Variants in ADD1 observed in about 807,000 individuals in gnomAD.
The protein encoded by ADD1 is alpha-adducin.
In ADD1, 24 loss-of-function variants were observed where a neutral mutation model predicts 80.5. The ratio of observed to expected loss-of-function variants is 0.30; its 90% confidence interval spans 0.22 to 0.42. The LOEUF is 0.42. Ranked by LOEUF, ADD1 falls within the 10% of genes least tolerant of loss-of-function variation. The probability of loss-of-function intolerance (pLI) is 1.00; values close to 1 mark genes in which losing one functional copy is unlikely to be tolerated. For missense variants in ADD1, 948 were observed against 1,019.0 expected (o/e 0.93, Z 0.95); for synonymous variants, 373 against 393.8 (o/e 0.95, Z 0.63).
At position 2,928,568 on chromosome 4, in the gene ADD1, G is replaced by C. The variant is rs751557776; in HGVS notation, c.*45G>C. 14 of 1,574,502 alleles carry C rather than the reference G, an allele frequency of 8.9e-6. No homozygotes were observed. In the South Asian group the frequency reaches 1.6e-4, roughly 18 times the overall value. ...TCCTGTCCGGAGCGACCCTGGCTCT[G>C]CCAGCGTCCCCGGCCACGTCTGTGC... On this transcript the variant is annotated 3_prime_UTR_variant, in exon 16 of 16. Transcript: ENST00000683351.
rs1171567948 is a variant in ADD1, at chr4:2,894,110, C to T, written c.591+17C>T. 1.2e-6 allele frequency: 2 copies of T among 1,600,432 alleles called. No homozygotes were observed. The highest frequency in any genetic ancestry group is 2.7e-5 in the African/African-American group (2 of 74,584). Reference sequence around the variant, plus strand: ...TCCAGTTTGGTAAGAATGTCCTTCTCTTTGGCAGCTTGTATGTGCAGGTCA... The same window carrying T: ...TCCAGTTTGGTAAGAATGTCCTTCTTTTTGGCAGCTTGTATGTGCAGGTCA... On this transcript the variant is annotated intron_variant, in intron 5 of 15. Coordinates refer to ENST00000683351, the MANE Select transcript of ADD1 (RefSeq NM_001354761.2).
intron 3 of ADD1, 29 bp from the exon 4 acceptor site, chr4:2,884,486 T>G: frequency 6.3e-7 from 1 of 1,578,896 alleles, no homozygotes; most frequent in Non-Finnish European, 8.6e-7. Flanking sequence ...CCACTGCACC[T>G]GGCTGAGTTT....
chr4:2,908,334 G>A (rs1737409104), intron 11 of ADD1, among the ~76,000 whole-genome samples, 181 bp from the exon 12 acceptor site: 4 of 152,226 alleles, frequency 2.6e-5, no homozygotes, highest in Non-Finnish European at 4.4e-5. Flanking sequence ...GCAGACCCAC[G>A]CCCCACTAAG....
At chr4:2,845,272 C>T (rs1233429991) in intron 1 of ADD1, among the ~76,000 whole-genome samples, 1 of 152,126 alleles carries the variant, frequency 6.6e-6, no homozygotes, top group Non-Finnish European at 1.5e-5. Context: ...GGGGTTTCAC[C>T]ATGTTGGCCA....
At chr4:2,849,921 C>T (rs1032235190) in intron 1 of ADD1, among the ~76,000 whole-genome samples, 3 of 152,078 alleles carry the variant, frequency 2.0e-5, no homozygotes, top group Non-Finnish European at 4.4e-5. Flanking sequence ...ATTAAGTAGC[C>T]ATGTAATACA....
chr4:2,851,468 T>C (rs74960999), intron 1 of ADD1, among the ~76,000 whole-genome samples: 2,651 of 152,264 alleles, frequency 0.017, 55 homozygotes, highest in African/African-American at 0.046. Context: ...ACACAGAAGA[T>C]GCAATAGAGA....
At chr4:2,865,674 C>G (rs1729442773) in intron 1 of ADD1, among the ~76,000 whole-genome samples, 1 of 152,150 alleles carries the variant, frequency 6.6e-6, no homozygotes, top group African/African-American at 2.4e-5. Context: ...TGCCAAACTT[C>G]CCTACCTTCC....
chr4:2,881,724 T>C (rs1333992589), intron 2 of ADD1, 174 bp from the exon 3 acceptor site: 1 of 453,786 alleles, frequency 2.2e-6, no homozygotes, highest in Non-Finnish European at 3.8e-6. Flanking sequence ...ATTAAATTAC[T>C]TTCTAGAAAA....
chr4:2,907,379 T>C (rs1487016578), intron 10 of ADD1: 1 of 175,210 alleles, frequency 5.7e-6, no homozygotes, highest in Non-Finnish European at 1.2e-5. Flanking sequence ...CAGTTGGCTT[T>C]GGTGTTGGAT....
intron 8 of ADD1, 78 bp from the exon 9 acceptor site, chr4:2,899,181 C>T: frequency 1.4e-6 from 2 of 1,438,854 alleles, no homozygotes; most frequent in Non-Finnish European, 1.9e-6. Context: ...CTTTTGAAAC[C>T]TACATTTTTA....
rs201126242 is a variant in ADD1, at chr4:2,909,352, C to G, written c.1712C>G (p.Ser571Cys). ...DRSLVQDAPL[S>C]DCTETIEGLE... ...TTACTGTTTCAGGATGCACCTCTCT[C>G]TGACTGTACGGAAACTATCGAAGGG... The change falls in exon 13 of 16, where the codon TCT becomes TGT. Residue 571 changes from serine (S) to cysteine (C), a missense_variant. Coordinates refer to ENST00000683351, the MANE Select transcript of ADD1 (RefSeq NM_001354761.2). 1.8e-5 allele frequency: 28 copies of G among 1,550,374 alleles called. No individual in the cohort carries two copies. Among genetic ancestry groups the G allele is most frequent in the East Asian group, 7.3e-5 (3 of 40,930 alleles).
intron 13 of ADD1, among the ~76,000 whole-genome samples, chr4:2,913,497 G>C (rs1271021422): frequency 6.6e-6 from 1 of 152,234 alleles, no homozygotes; most frequent in African/African-American, 2.4e-5. Context: ...CCTCGAGTCA[G>C]ACCTGGTTCA....
At chr4:2,919,480 T>C (rs1340873219) in intron 14 of ADD1, among the ~76,000 whole-genome samples, 1 of 152,192 alleles carries the variant, frequency 6.6e-6, no homozygotes, top group South Asian at 2.1e-4. Flanking sequence ...CTTTTTTTGG[T>C]TGGTAGGCTA....
At chr4:2,847,453 A>G (rs904562165) in intron 1 of ADD1, among the ~76,000 whole-genome samples, 2 of 151,528 alleles carry the variant, frequency 1.3e-5, no homozygotes, top group African/African-American at 4.8e-5. Context: ...CAACCTTCTC[A>G]TTTTTATATA....
Position 2,928,287 on chromosome 4 carries a change from A to G in ADD1, c.2164A>G (p.Lys722Glu), listed in dbSNP as rs369305915. ...AGCACTCGGCTTCCCAATGTTAGAGAAGGAGGAGGAAGCCCATAGACCCCC... is the reference window on the plus strand; with the variant it reads ...AGCACTCGGCTTCCCAATGTTAGAGGAGGAGGAGGAAGCCCATAGACCCCC... Reference protein sequence around the residue: ...SEALGFPMLEKEEEAHRPPSP... With the variant: ...SEALGFPMLEEEEEAHRPPSP... The change falls in exon 16 of 16, where the codon AAG (lysine) becomes GAG (glutamate). Residue 722 changes from lysine to glutamate, a missense_variant. Physicochemically the swap from Lys to Glu is moderately conservative, Grantham distance 56. Coordinates refer to ENST00000683351, the MANE Select transcript of ADD1 (RefSeq NM_001354761.2). The G allele has an allele frequency of 6.2e-4, 1,007 of 1,614,036 alleles. 13 individuals carry two copies. In the South Asian group the frequency reaches 8.3e-3, roughly 13 times the overall value.
At chr4:2,845,059 G>A (rs1725969379) in intron 1 of ADD1, among the ~76,000 whole-genome samples, 1 of 150,792 alleles carries the variant, frequency 6.6e-6, no homozygotes, top group African/African-American at 2.4e-5. Flanking sequence ...AGCCTTGAAT[G>A]GACAAAGGCC....
chr4:2,878,422 A>G lies in ADD1; in HGVS notation c.195+2312A>G, dbSNP rs575189608. On this transcript the variant is annotated intron_variant, in intron 2 of 15. Coordinates refer to ENST00000683351, the MANE Select transcript of ADD1 (RefSeq NM_001354761.2). ...GGATGGGGTGGAAGAAGTGAAAGGGAAAAAAAGAATCAGGATAGCACCGAG... is the reference window on the plus strand; with the variant it reads ...GGATGGGGTGGAAGAAGTGAAAGGGGAAAAAAGAATCAGGATAGCACCGAG... Among the ~76,000 whole-genome samples the G allele has an allele frequency of 7.2e-5, 11 of 152,174 alleles. 1 individual carries two copies. In the East Asian group the frequency reaches 2.1e-3, roughly 29 times the overall value.
At chr4:2,885,774 T>C (rs1733191466) in intron 4 of ADD1, among the ~76,000 whole-genome samples, 1 of 150,366 alleles carries the variant, frequency 6.7e-6, no homozygotes, top group East Asian at 1.9e-4. Flanking sequence ...CACGCCTGGC[T>C]AATTTTTTTG....
At chr4:2,878,640 C>G (rs1251164043) in intron 2 of ADD1, among the ~76,000 whole-genome samples, 1 of 152,012 alleles carries the variant, frequency 6.6e-6, no homozygotes, top group Non-Finnish European at 1.5e-5. Context: ...CAGTAAGCAT[C>G]AAGGCTGGGC....
Sources: allele counts gnomAD v4.1 joint callset (sites outside exome capture counted in the v4.1 genomes callset), GRCh38; gene constraint gnomAD v4.1.1; transcripts MANE v1.5; gene names NCBI Gene and HGNC (gene_info 2026-07-23, HGNC 2026-07-21).